MYOF: variants seen among roughly 807,000 people sequenced by gnomAD.
MYOF encodes the protein myoferlin.
Under a neutral mutation model 284.2 loss-of-function variants are expected in MYOF, and 244 were observed. That is an observed-to-expected ratio of 0.86 (90% confidence interval 0.77 to 0.95). MYOF has a LOEUF of 0.95. MYOF is among the 40% of genes least tolerant of loss of function. The pLI, the probability that MYOF is intolerant of heterozygous loss-of-function variation, is 0.00. For synonymous variants in MYOF, 904 were observed against 919.7 expected (o/e 0.98, Z 0.31); for missense variants, 2,496 against 2,560.6 (o/e 0.97, Z 0.54).
rs553351335 is a variant in MYOF at position 93,330,247 on chromosome 10, G to C, written c.4812-413C>G. Among the ~76,000 whole-genome samples the C allele has an allele frequency of 1.2e-4, 18 of 151,580 alleles. No homozygotes were observed. The East Asian group carries it at 2.9e-3, about 24-fold the overall frequency. ...ACATGAGTGCATCGCTCCAATGCCA[G>C]TATAATAATAATGATGTATTATATT... On this transcript the variant is annotated intron_variant, in intron 43 of 53. Coordinates refer to ENST00000359263, the MANE Select transcript of MYOF (RefSeq NM_013451.4).
intron 31 of MYOF, among the ~76,000 whole-genome samples, chr10:93,354,669 C>CTCTCTT (rs1844707194): frequency 8.0e-6 from 1 of 124,658 alleles, no homozygotes; most frequent in Non-Finnish European, 1.8e-5. Flanking sequence ...CACATTCACT[C>CTCTCTT]TCTCTCTCTC....
chr10:93,388,226 G>T (rs1415363163), intron 18 of MYOF, among the ~76,000 whole-genome samples: 1 of 151,848 alleles, frequency 6.6e-6, no homozygotes, highest in Non-Finnish European at 1.5e-5. Flanking sequence ...GGGAGGTGGG[G>T]GGTGGGGGGT....
chr10:93,338,581 A>G (rs1355025221), intron 39 of MYOF: 1 of 447,562 alleles, frequency 2.2e-6, no homozygotes, highest in Admixed American at 2.4e-5. Context: ...CTTTAGGAGA[A>G]AGAGCTTTGA....
At chr10:93,366,312 G>T in intron 26 of MYOF, 80 bp downstream of exon 26, 2 of 1,419,490 alleles carry the variant, frequency 1.4e-6, no homozygotes, top group Non-Finnish European at 9.8e-7. Context: ...TCAAGATGAT[G>T]ACGGAGATAT....
chr10:93,465,894 C>T (rs2056999662), intron 1 of MYOF, among the ~76,000 whole-genome samples: 1 of 152,176 alleles, frequency 6.6e-6, no homozygotes, highest in Admixed American at 6.5e-5. Flanking sequence ...CTCCGGAGGG[C>T]AGGGCCCCTG....
In MYOF at chr10:93,426,138, G is replaced by A. The variant is rs374400043; in HGVS notation, c.366C>T (p.Ile122=). The A allele has an allele frequency of 4.6e-5, 71 of 1,559,592 alleles. 2 individuals carry two copies. The African/African-American group carries it at 6.7e-4, about 15-fold the overall frequency. The change falls in exon 5 of 54, where the codon ATC becomes ATT. Residue 122 remains isoleucine, a synonymous_variant. Coordinates refer to ENST00000359263, the MANE Select transcript of MYOF (RefSeq NM_013451.4). ...GTGGAGCAGAAGGCGGATCATAGCC[G>A]ATCACCAAGTCAATGGTGGCCTGGG... ...QDTGATIDLV[I]GYDPPSAPHP...
intron 25 of MYOF, among the ~76,000 whole-genome samples, chr10:93,367,055 G>A (rs976668023): frequency 6.6e-6 from 1 of 152,084 alleles, no homozygotes; most frequent in African/African-American, 2.4e-5. Context: ...CATTTCCCAG[G>A]CAGTCCACCA....
At chr10:93,379,788 A>G (rs747865933) in intron 21 of MYOF, 75 bp downstream of exon 21, 23 of 1,569,420 alleles carry the variant, frequency 1.5e-5, no homozygotes, top group Non-Finnish European at 2.0e-5. Flanking sequence ...CTTGTGTTAT[A>G]GTGGCCTGGC....
At chr10:93,433,972 A>C (rs1192138446) in intron 3 of MYOF, among the ~76,000 whole-genome samples, 2 of 152,324 alleles carry the variant, frequency 1.3e-5, no homozygotes, top group Admixed American at 6.5e-5. Flanking sequence ...AGGATATTGC[A>C]CAAGACCAGG....
chr10:93,334,429 C>A (rs975137102), intron 41 of MYOF, among the ~76,000 whole-genome samples: 1 of 151,832 alleles, frequency 6.6e-6, no homozygotes, highest in Non-Finnish European at 1.5e-5. Flanking sequence ...TCATCCAACC[C>A]CATACTCACC....
Position 93,358,946 on chromosome 10 carries a change from TAAAAA to T in MYOF, c.3120+882_3120+886del, listed in dbSNP as rs371226480. On this transcript the variant is annotated intron_variant, in intron 29 of 53. Coordinates refer to ENST00000359263, the MANE Select transcript of MYOF (RefSeq NM_013451.4). ...TGCACATGTATCTCGGAACTTAAAT[TAAAAA>T]AAAAAAGACTCATTCATTCATTAGC... Among the ~76,000 whole-genome samples the T allele has an allele frequency of 5.5e-5, 8 of 146,054 alleles. No homozygotes were observed. The South Asian group carries it at 1.7e-3, about 32-fold the overall frequency.
chr10:93,416,598 C>CT (rs374329657), intron 5 of MYOF, among the ~76,000 whole-genome samples: 2,059 of 119,752 alleles, frequency 0.017, 29 homozygotes, highest in East Asian at 0.049. Flanking sequence ...TTTGATCAGG[C>CT]TTTTTTTTTT....
At chr10:93,418,687 A>G (rs377020272) in intron 5 of MYOF, among the ~76,000 whole-genome samples, 1 of 152,248 alleles carries the variant, frequency 6.6e-6, no homozygotes, top group African/African-American at 2.4e-5. Flanking sequence ...ATCTGCCTGC[A>G]TCAGGCTCTC....
At chr10:93,431,740 T>C (rs1848882475) in intron 3 of MYOF, among the ~76,000 whole-genome samples, 1 of 140,860 alleles carries the variant, frequency 7.1e-6, no homozygotes, top group African/African-American at 2.8e-5. Context: ...GAAATTTCTT[T>C]CTTTTCTTTT....
chr10:93,377,813 A>C (rs1845905555), intron 21 of MYOF, among the ~76,000 whole-genome samples: 1 of 152,190 alleles, frequency 6.6e-6, no homozygotes, highest in Non-Finnish European at 1.5e-5. Flanking sequence ...AAATATATTG[A>C]GGATAACAAA....
intron 16 of MYOF, 110 bp downstream of exon 16, chr10:93,396,032 G>T (rs751895169): frequency 2.1e-5 from 15 of 708,754 alleles, no homozygotes; most frequent in Non-Finnish European, 3.3e-5. Flanking sequence ...ATCACATTTG[G>T]CTTCTAAGAA....
intron 1 of MYOF, among the ~76,000 whole-genome samples, chr10:93,471,603 T>C (rs537405989): frequency 1.3e-5 from 2 of 152,234 alleles, no homozygotes; most frequent in East Asian, 1.9e-4. Flanking sequence ...AAAAACGAAA[T>C]GAAGGCGGGG....
chr10:93,402,162 G>T, intron 11 of MYOF, 70 bp downstream of exon 11: 2 of 1,217,152 alleles, frequency 1.6e-6, no homozygotes, highest in Non-Finnish European at 1.2e-6. Context: ...AATTACCCAT[G>T]CCCACATGCT....
chr10:93,374,437 C>A (rs1337170355), intron 23 of MYOF, among the ~76,000 whole-genome samples: 5 of 152,174 alleles, frequency 3.3e-5, no homozygotes, highest in African/African-American at 7.2e-5. Context: ...TCTTCCCAAC[C>A]CCAGCCAAAG....
Sources: allele counts gnomAD v4.1 joint callset (sites outside exome capture counted in the v4.1 genomes callset), GRCh38; gene constraint gnomAD v4.1.1; transcripts MANE v1.5; gene names NCBI Gene and HGNC (gene_info 2026-07-23, HGNC 2026-07-21).